Variants in SPHKAP observed in about 807,000 individuals in gnomAD.
The protein encoded by SPHKAP is A-kinase anchor protein SPHKAP.
Under a neutral mutation model 137.5 loss-of-function variants are expected in SPHKAP, and 67 were observed. The observed-to-expected ratio is 0.49, with a 90% CI of 0.40 to 0.60. The LOEUF (loss-of-function observed/expected upper bound fraction) is 0.60. Among genes scored for constraint, SPHKAP ranks in the 20% least tolerant of loss-of-function variants. The pLI is 0.00. For missense variants in SPHKAP, 2,097 were observed against 2,069.3 expected (o/e 1.01, Z -0.26); for synonymous variants, 813 against 785.3 (o/e 1.04, Z -0.59).
At chr2:228,098,816 T>TA (rs1428497363) in intron 3 of SPHKAP, among the ~76,000 whole-genome samples, 2 of 152,026 alleles carry the variant, frequency 1.3e-5, no homozygotes, top group African/African-American at 4.8e-5. Context: ...TTAATGGGGT[T>TA]TTTTTTGCTT....
intron 7 of SPHKAP, among the ~76,000 whole-genome samples, chr2:228,006,434 C>T (rs1411634256): frequency 2.0e-5 from 3 of 152,118 alleles, no homozygotes; most frequent in African/African-American, 7.2e-5. Context: ...TCTAGTTAGC[C>T]TTTTGTCTAA....
chr2:228,153,748 T>C (rs1359947379), intron 1 of SPHKAP, among the ~76,000 whole-genome samples: 1 of 152,192 alleles, frequency 6.6e-6, no homozygotes, highest in Non-Finnish European at 1.5e-5. Context: ...ATTTTAGTCA[T>C]TTTCAGCAAG....
At chr2:228,080,083 T>G (rs1359546849) in intron 3 of SPHKAP, among the ~76,000 whole-genome samples, 1 of 151,844 alleles carries the variant, frequency 6.6e-6, no homozygotes, top group Non-Finnish European at 1.5e-5. Context: ...TTTTTTTATA[T>G]GAACCCAAGA....
intron 1 of SPHKAP, among the ~76,000 whole-genome samples, chr2:228,162,686 C>A (rs774743026): frequency 5.9e-5 from 9 of 151,918 alleles, no homozygotes; most frequent in Non-Finnish European, 1.0e-4. Context: ...GGAAACAAAG[C>A]CCTTCTTTTT....
chr2:228,126,327 A>T (rs919262093), intron 2 of SPHKAP, among the ~76,000 whole-genome samples: 4 of 152,172 alleles, frequency 2.6e-5, no homozygotes, highest in African/African-American at 9.7e-5. Context: ...AGGTTAGCTG[A>T]CTTTCCAACC....
chr2:228,177,537 G>A (rs1184500985), intron 1 of SPHKAP, among the ~76,000 whole-genome samples: 1 of 152,070 alleles, frequency 6.6e-6, no homozygotes, highest in Non-Finnish European at 1.5e-5. Context: ...TTCATAAATA[G>A]GACAAAGAAA....
intron 2 of SPHKAP, among the ~76,000 whole-genome samples, chr2:228,112,642 C>T (rs529892066): frequency 6.6e-6 from 1 of 152,008 alleles, no homozygotes; most frequent in Non-Finnish European, 1.5e-5. Context: ...GCGAAGATTC[C>T]AGAGCTATGA....
chr2:228,144,253 TG>T (rs1699696364), intron 1 of SPHKAP, among the ~76,000 whole-genome samples: 6 of 152,216 alleles, frequency 3.9e-5, no homozygotes, highest in Admixed American at 2.6e-4. Flanking sequence ...TTCTATAGAA[TG>T]TATTTGTTTC....
chr2:227,993,821 GATA>G (rs1281864800), intron 8 of SPHKAP, among the ~76,000 whole-genome samples: 2 of 152,050 alleles, frequency 1.3e-5, no homozygotes, highest in East Asian at 1.9e-4. Context: ...CAGCTCAGCA[GATA>G]ATAATAATAC....
intron 1 of SPHKAP, among the ~76,000 whole-genome samples, chr2:228,141,510 T>C (rs1037053897): frequency 2.6e-5 from 4 of 152,202 alleles, no homozygotes; most frequent in African/African-American, 9.7e-5. Flanking sequence ...TTTGAATAAA[T>C]TGCATAAATA....
intron 3 of SPHKAP, among the ~76,000 whole-genome samples, chr2:228,035,666 A>G (rs1417214140): frequency 2.0e-5 from 3 of 152,234 alleles, no homozygotes; most frequent in African/African-American, 7.2e-5. Flanking sequence ...ACAGCATGGC[A>G]CTGGTACCAA....
chr2:228,127,914 A>T, intron 2 of SPHKAP, among the ~76,000 whole-genome samples: 1 of 152,332 alleles, frequency 6.6e-6, no homozygotes. Context: ...TAACCAAAAA[A>T]GTATGTAGAT....
intron 3 of SPHKAP, among the ~76,000 whole-genome samples, chr2:228,047,321 C>T (rs1166146803): frequency 1.3e-5 from 2 of 152,040 alleles, no homozygotes. Context: ...CAAAAATTAG[C>T]TGGGTGTGGT....
chr2:228,030,558 A>T (rs1258555098), intron 3 of SPHKAP, among the ~76,000 whole-genome samples: 218 of 149,828 alleles, frequency 1.5e-3, no homozygotes, highest in African/African-American at 4.6e-3. Flanking sequence ...AAAAAAAAAT[A>T]AAAAAATTAA....
At chr2:227,982,361 C>G in intron 11 of SPHKAP, 2 of 985,352 alleles carry the variant, frequency 2.0e-6, no homozygotes, top group Non-Finnish European at 2.4e-6. Flanking sequence ...CCCTCACCCT[C>G]CAGGCTAAAA....
At chr2:228,000,475 G>A (rs950842867) in intron 7 of SPHKAP, among the ~76,000 whole-genome samples, 7 of 152,040 alleles carry the variant, frequency 4.6e-5, no homozygotes, top group Middle Eastern at 6.8e-3. Context: ...AAAATTAGCC[G>A]GGCATGGTGG....
intron 7 of SPHKAP, among the ~76,000 whole-genome samples, chr2:228,005,965 C>A (rs1376129470): frequency 1.3e-5 from 2 of 152,096 alleles, no homozygotes; most frequent in Admixed American, 6.5e-5. Context: ...CTTTGGCTGC[C>A]CTTAACATTT....
chr2:228,093,726 CGG>C (rs1559170121), intron 3 of SPHKAP, among the ~76,000 whole-genome samples: 2 of 116,994 alleles, frequency 1.7e-5, no homozygotes, highest in South Asian at 3.2e-4. Context: ...AGAGTGGTGG[CGG>C]GTGCCTGTAA....
intron 9 of SPHKAP, among the ~76,000 whole-genome samples, chr2:227,992,665 T>C (rs897197800): frequency 2.0e-5 from 3 of 152,200 alleles, no homozygotes; most frequent in African/African-American, 7.2e-5. Flanking sequence ...TGCTCATCTC[T>C]ACTTGTGAAT....
Sources: allele counts gnomAD v4.1 joint callset (sites outside exome capture counted in the v4.1 genomes callset), GRCh38; gene constraint gnomAD v4.1.1; transcripts MANE v1.5; gene names NCBI Gene and HGNC (gene_info 2026-07-23, HGNC 2026-07-21).